Variants in THSD4 observed in about 807,000 individuals in gnomAD.
The protein encoded by THSD4 is thrombospondin type 1 domain containing 4.
A neutral mutation model predicts 119.0 loss-of-function variants in THSD4; 69 were observed. The observed-to-expected ratio is 0.58, with a 90% CI of 0.48 to 0.71. THSD4 has a LOEUF of 0.71. THSD4 is among the 30% of genes least tolerant of loss of function. The pLI, the probability that THSD4 is intolerant of heterozygous loss-of-function variation, is 0.00. For missense variants in THSD4, 1,393 were observed against 1,391.1 expected (o/e 1.00, Z -0.02); for synonymous variants, 524 against 540.4 (o/e 0.97, Z 0.42).
chr15:71,411,752 G>A lies in THSD4; in HGVS notation c.1081G>A (p.Ala361Thr), dbSNP rs2046690586. Residue 361 changes from alanine (A) to threonine (T), a missense_variant, in exon 7 of 18, where the codon GCT (alanine) becomes ACT (threonine). Ala to Thr is a moderately conservative substitution (Grantham distance 58). Transcript: ENST00000261862. ...GGGCTACCGCTTCTATGTACGGCAA[G>A]CTGAGAAAGTCATCGATGGCACCCC... is the stretch of plus-strand genomic sequence containing the variant. ...AMGYRFYVRQAEKVIDGTPCD... is the reference protein window; with the variant it reads ...AMGYRFYVRQTEKVIDGTPCD... 2 of 1,614,044 alleles carry A rather than the reference G, an allele frequency of 1.2e-6. No individual in the cohort carries two copies. Among genetic ancestry groups the A allele is most frequent in the Admixed American group, 1.7e-5 (1 of 59,998 alleles).
chr15:71,603,396 C>T (rs28496202), intron 7 of THSD4, among the ~76,000 whole-genome samples: 63,845 of 152,090 alleles, frequency 0.42, 13,809 homozygotes, highest in East Asian at 0.75. Flanking sequence ...ACGAACTTCC[C>T]GTGGCTCCAC....
At position 71,568,610 on chromosome 15, in the gene THSD4, C is replaced by CT. The variant is rs1217922938; in HGVS notation, c.1153-91917dup. On this transcript the variant is annotated intron_variant, in intron 7 of 17. Transcript: ENST00000261862. ...TTTTGTTTTTCTTTTTTTAATTATA[C>CT]TTTAAGTTCTAGGGTACATGTGCAC... is the stretch of plus-strand genomic sequence containing the variant. Among the ~76,000 whole-genome samples, 3 of 139,338 alleles carry CT rather than the reference C, an allele frequency of 2.2e-5. No homozygotes were observed. The East Asian group carries it at 6.3e-4, about 29-fold the overall frequency. 91.4% of individuals were successfully genotyped at this position (139,338 alleles called of 152,430 possible).
chr15:71,571,094 T>C (rs1279549930), intron 7 of THSD4, among the ~76,000 whole-genome samples: 2 of 152,194 alleles, frequency 1.3e-5, no homozygotes, highest in African/African-American at 4.8e-5. Flanking sequence ...ATTTCCACCG[T>C]GTCGGCGGAA....
intron 7 of THSD4, among the ~76,000 whole-genome samples, chr15:71,633,275 T>TC (rs1221882058): frequency 7.1e-6 from 1 of 140,234 alleles, no homozygotes; most frequent in African/African-American, 2.7e-5. Context: ...CTTTCTTTTT[T>TC]TTTTTTTTTT....
intron 6 of THSD4, among the ~76,000 whole-genome samples, chr15:71,292,923 A>G (rs1037651491): frequency 1.3e-5 from 2 of 152,112 alleles, no homozygotes; most frequent in Admixed American, 6.5e-5. Context: ...TGATCCGCCC[A>G]TCTTGGCCTC....
At chr15:71,614,799 T>G (rs2050292924) in intron 7 of THSD4, among the ~76,000 whole-genome samples, 1 of 152,110 alleles carries the variant, frequency 6.6e-6, no homozygotes, top group Non-Finnish European at 1.5e-5. Flanking sequence ...ACAAGGAAAC[T>G]AGGGGATGAT....
intron 4 of THSD4, among the ~76,000 whole-genome samples, chr15:71,235,706 C>T (rs1238426207): frequency 6.6e-6 from 1 of 151,758 alleles, no homozygotes; most frequent in African/African-American, 2.4e-5. Context: ...TGTGCCTCAG[C>T]CTCTCCCGAG....
Position 71,157,621 on chromosome 15 carries a change from C to T in THSD4, c.99+2689C>T, listed in dbSNP as rs145512500. ...CTGCCCACTCTCCCCTCTTTTCTTTCCCCTCTTCTCCTCAGTCTCTGGTAA... is the reference window on the plus strand; with the variant it reads ...CTGCCCACTCTCCCCTCTTTTCTTTTCCCTCTTCTCCTCAGTCTCTGGTAA... On this transcript the variant is annotated intron_variant, in intron 3 of 17. Coordinates refer to ENST00000261862, the MANE Select transcript of THSD4 (RefSeq NM_024817.3). Among the ~76,000 whole-genome samples, 929 of 150,652 alleles carry T rather than the reference C, an allele frequency of 6.2e-3. 25 individuals are homozygous for T. Among genetic ancestry groups the T allele is most frequent in the Admixed American group, 0.051 (763 of 15,074 alleles).
At chr15:71,539,905 A>G (rs534482533) in intron 7 of THSD4, among the ~76,000 whole-genome samples, 4 of 152,186 alleles carry the variant, frequency 2.6e-5, no homozygotes, top group Non-Finnish European at 5.9e-5. Context: ...GATGAAGACA[A>G]CACATTAATT....
intron 6 of THSD4, among the ~76,000 whole-genome samples, chr15:71,324,415 T>TG (rs2045314404): frequency 6.6e-6 from 1 of 152,208 alleles, no homozygotes; most frequent in Non-Finnish European, 1.5e-5. Flanking sequence ...ACCTGAGTAG[T>TG]GTACATTGTA....
chr15:71,680,562 C>T (rs574549535), intron 8 of THSD4, among the ~76,000 whole-genome samples: 2 of 152,340 alleles, frequency 1.3e-5, no homozygotes, highest in East Asian at 1.9e-4. Context: ...GCTAGGTCCT[C>T]CTTAACTTAC....
At chr15:71,539,139 C>T (rs2048725091) in intron 7 of THSD4, among the ~76,000 whole-genome samples, 1 of 152,214 alleles carries the variant, frequency 6.6e-6, no homozygotes, top group African/African-American at 2.4e-5. Context: ...GAAGGGAGAG[C>T]AATCACCAGA....
chr15:71,689,639 C>T (rs561451180), intron 8 of THSD4, among the ~76,000 whole-genome samples: 2 of 152,204 alleles, frequency 1.3e-5, no homozygotes, highest in African/African-American at 2.4e-5. Context: ...TAGCTCTGTG[C>T]TGGATGAGAT....
intron 7 of THSD4, among the ~76,000 whole-genome samples, chr15:71,530,040 C>A (rs1281587769): frequency 1.3e-5 from 2 of 152,186 alleles, no homozygotes; most frequent in African/African-American, 2.4e-5. Context: ...ATGGTAACTA[C>A]TTCTACAATT....
At chr15:71,593,029 G>A (rs1196788321) in intron 7 of THSD4, among the ~76,000 whole-genome samples, 1 of 152,176 alleles carries the variant, frequency 6.6e-6, no homozygotes, top group East Asian at 1.9e-4. Context: ...TCTTTCCAGA[G>A]AGGGTCAGAG....
At chr15:71,661,632 G>A (rs2051310894) in intron 8 of THSD4, among the ~76,000 whole-genome samples, 1 of 152,110 alleles carries the variant, frequency 6.6e-6, no homozygotes, top group Non-Finnish European at 1.5e-5. Context: ...CTGGCCTCAA[G>A]TGGTCTGCCC....
intron 6 of THSD4, among the ~76,000 whole-genome samples, chr15:71,286,991 T>C (rs2044726249): frequency 6.6e-6 from 1 of 152,222 alleles, no homozygotes; most frequent in African/African-American, 2.4e-5. Flanking sequence ...GTGGGGTTAT[T>C]CCGAATTTTG....
In THSD4 at chr15:71,633,157, CA is replaced by C. The variant is rs1252329415; in HGVS notation, c.1153-27372del. Among the ~76,000 whole-genome samples the C allele has an allele frequency of 2.0e-4, 30 of 152,196 alleles. No homozygotes were observed. The South Asian group carries it at 6.0e-3, about 30-fold the overall frequency. The stretch of plus-strand genomic sequence containing the variant: ...CCCATCTATTGTGTGTATAAATGAT[CA>C]GCCCCACCTGTGAGAAAGATACCAC... On this transcript the variant is annotated intron_variant, in intron 7 of 17. Transcript: ENST00000261862.
intron 7 of THSD4, among the ~76,000 whole-genome samples, chr15:71,482,608 G>A (rs2047750633): frequency 7.0e-6 from 1 of 142,592 alleles, no homozygotes; most frequent in South Asian, 2.2e-4. Flanking sequence ...TTTTTGAGAG[G>A]GAGTTTTGCT....
Sources: gnomAD v4.1 joint callset for allele counts (sites outside exome capture counted in the v4.1 genomes callset) on GRCh38, gnomAD v4.1.1 for gene constraint, MANE v1.5 for transcripts, NCBI Gene and HGNC (gene_info 2026-07-23, HGNC 2026-07-21) for gene names.